RNLS: variants seen among roughly 807,000 people sequenced by gnomAD.
The protein encoded by RNLS is renalase, FAD dependent amine oxidase, also known as renalase.
In RNLS, 39 loss-of-function variants were observed where a neutral mutation model predicts 39.8. The ratio of observed to expected loss-of-function variants is 0.98; its 90% CI spans 0.76 to 1.28. The LOEUF (loss-of-function observed/expected upper bound fraction) is 1.28. RNLS is among the 50% of genes most tolerant of loss of function. The pLI, the probability that RNLS is intolerant of heterozygous loss-of-function variation, is 0.00. For synonymous variants in RNLS, 147 were observed against 150.7 expected (o/e 0.98, Z 0.18); for missense variants, 410 against 413.3 (o/e 0.99, Z 0.07).
intron 4 of RNLS, chr10:88,545,435 A>G (rs747441610): frequency 2.2e-6 from 1 of 456,282 alleles, no homozygotes; most frequent in South Asian, 1.6e-5. Flanking sequence ...GAAGACAAAG[A>G]AAGAGCAAAG....
chr10:88,353,822 C>T (rs1848923929), intron 5 of RNLS, among the ~76,000 whole-genome samples: 2 of 152,056 alleles, frequency 1.3e-5, no homozygotes, highest in Admixed American at 1.3e-4. Context: ...GTTAAATCTC[C>T]CATTATTATT....
chr10:88,264,780 G>T, the RNLS span, among the ~76,000 whole-genome samples: 43 of 152,190 alleles, frequency 2.8e-4, no homozygotes, highest in African/African-American at 1.0e-3. Context: ...CTCCCATTCT[G>T]TGGTTGTTTG....
intron 5 of RNLS, among the ~76,000 whole-genome samples, chr10:88,335,644 A>G (rs996575859): frequency 6.6e-6 from 1 of 152,218 alleles, no homozygotes; most frequent in Non-Finnish European, 1.5e-5. Context: ...AGACAAAGAC[A>G]CATTTATTAA....
At chr10:88,529,778 A>T (rs1564875923) in intron 4 of RNLS, among the ~76,000 whole-genome samples, 1 of 152,220 alleles carries the variant, frequency 6.6e-6, no homozygotes, top group Admixed American at 6.5e-5. Context: ...ATCATCACTC[A>T]GCCTTAACAA....
At chr10:88,394,320 C>G (rs1188272492) in intron 4 of RNLS, among the ~76,000 whole-genome samples, 1 of 152,160 alleles carries the variant, frequency 6.6e-6, no homozygotes, top group Non-Finnish European at 1.5e-5. Context: ...TATCCAGAAT[C>G]TACAATGAAC....
chr10:88,209,554 A>C, the RNLS span, among the ~76,000 whole-genome samples: 1 of 152,186 alleles, frequency 6.6e-6, no homozygotes, highest in East Asian at 1.9e-4. Context: ...CTTGATTTCA[A>C]ATTACTAACT....
At chr10:88,354,193 T>C (rs982107642) in intron 5 of RNLS, among the ~76,000 whole-genome samples, 13 of 152,244 alleles carry the variant, frequency 8.5e-5, no homozygotes, top group Non-Finnish European at 1.3e-4. Context: ...TGTCTTTTGA[T>C]TGGAGCATTT....
At chr10:88,398,404 G>A (rs942473654) in intron 4 of RNLS, among the ~76,000 whole-genome samples, 1 of 151,998 alleles carries the variant, frequency 6.6e-6, no homozygotes, top group Non-Finnish European at 1.5e-5. Flanking sequence ...GGCCCAGAGT[G>A]TGAGAGCTGG....
intron 4 of RNLS, among the ~76,000 whole-genome samples, chr10:88,488,407 A>T (rs539401947): frequency 1.3e-5 from 2 of 151,900 alleles, no homozygotes; most frequent in African/African-American, 4.8e-5. Context: ...TTAGCTGGAC[A>T]TGGTGGTGCA....
the RNLS span, among the ~76,000 whole-genome samples, chr10:88,172,697 A>G: frequency 6.6e-6 from 1 of 151,426 alleles, no homozygotes; most frequent in South Asian, 2.1e-4. Context: ...CCATTTATCT[A>G]TGTTTGCTTT....
At chr10:88,327,322 G>A (rs1369074763) in intron 5 of RNLS, among the ~76,000 whole-genome samples, 2 of 152,186 alleles carry the variant, frequency 1.3e-5, no homozygotes, top group Non-Finnish European at 1.5e-5. Flanking sequence ...ATACCCATGT[G>A]TCTAGGAGAG....
At chr10:88,315,043 A>T (rs1201563085) in intron 5 of RNLS, among the ~76,000 whole-genome samples, 1 of 152,224 alleles carries the variant, frequency 6.6e-6, no homozygotes, top group African/African-American at 2.4e-5. Flanking sequence ...CAAAGTATAT[A>T]TTCAATAAAT....
At chr10:88,265,477 C>T in the RNLS span, among the ~76,000 whole-genome samples, 1 of 151,894 alleles carries the variant, frequency 6.6e-6, no homozygotes, top group Non-Finnish European at 1.5e-5. Context: ...TTTATCCATC[C>T]ATGAGCATGG....
At chr10:88,350,673 G>A (rs1450867775) in intron 5 of RNLS, among the ~76,000 whole-genome samples, 1 of 152,046 alleles carries the variant, frequency 6.6e-6, no homozygotes, top group Non-Finnish European at 1.5e-5. Flanking sequence ...GCTATTGTGA[G>A]TAGTGCTGCA....
chr10:88,222,298 T>A, the RNLS span, among the ~76,000 whole-genome samples: 4,329 of 152,212 alleles, frequency 0.028, 186 homozygotes, highest in African/African-American at 0.088. Context: ...AGTTCCCTCA[T>A]CCCACAGCAC....
intron 6 of RNLS, among the ~76,000 whole-genome samples, chr10:88,310,065 A>G (rs1415945249): frequency 6.6e-6 from 1 of 152,056 alleles, no homozygotes; most frequent in Non-Finnish European, 1.5e-5. Flanking sequence ...AATACAAAAA[A>G]TTAGCCGCAG....
At chr10:88,239,501 A>T in the RNLS span, among the ~76,000 whole-genome samples, 1 of 152,226 alleles carries the variant, frequency 6.6e-6, no homozygotes, top group African/African-American at 2.4e-5. Flanking sequence ...CTTTTCCAGC[A>T]TTCTGCACCC....
At chr10:88,252,584 C>T in the RNLS span, among the ~76,000 whole-genome samples, 2 of 152,172 alleles carry the variant, frequency 1.3e-5, no homozygotes, top group Non-Finnish European at 2.9e-5. Context: ...CAGTACTATC[C>T]TCTGCTGCAG....
intron 5 of RNLS, chr10:88,343,396 A>C: frequency 3.5e-5 from 12 of 343,472 alleles, no homozygotes; most frequent in Non-Finnish European, 4.5e-5. Context: ...CAAAAAAGCT[A>C]GGAGATTGGT....
Sources: gnomAD v4.1 joint callset for allele counts (sites outside exome capture counted in the v4.1 genomes callset) on GRCh38, gnomAD v4.1.1 for gene constraint, MANE v1.5 for transcripts, NCBI Gene and HGNC (gene_info 2026-07-23, HGNC 2026-07-21) for gene names.